Variants in PRIM2 observed in about 807,000 individuals in gnomAD.
PRIM2 encodes the protein DNA primase subunit 2.
A neutral mutation model predicts 67.3 loss-of-function variants in PRIM2; 39 were observed. The observed-to-expected ratio is 0.58, with a 90% CI of 0.45 to 0.76. The LOEUF (loss-of-function observed/expected upper bound fraction) is 0.76. Among genes scored for constraint, PRIM2 ranks in the 30% least tolerant of loss-of-function variants. PRIM2 has a pLI of 0.00. For synonymous variants in PRIM2, 143 were observed against 198.7 expected (o/e 0.72, Z 2.36); for missense variants, 398 against 598.7 (o/e 0.66, Z 3.50).
chr6:57,389,844 T>C (rs1311508440), intron 7 of PRIM2, among the ~76,000 whole-genome samples: 1 of 152,140 alleles, frequency 6.6e-6, no homozygotes, highest in Non-Finnish European at 1.5e-5. Flanking sequence ...GGTTACTTAG[T>C]TGGGAATCAT....
At chr6:57,270,581 G>A in the PRIM2 span, among the ~76,000 whole-genome samples, 2 of 152,104 alleles carry the variant, frequency 1.3e-5, no homozygotes, top group East Asian at 1.9e-4. Context: ...AAACAGGAAC[G>A]ATTTGACTTC....
intron 7 of PRIM2, among the ~76,000 whole-genome samples, chr6:57,394,310 ATTTG>A (rs1770450311): frequency 1.3e-5 from 2 of 152,196 alleles, no homozygotes; most frequent in East Asian, 3.9e-4. Flanking sequence ...ATGTGTTTCC[ATTTG>A]TTTGTGTTAT....
the PRIM2 span, among the ~76,000 whole-genome samples, chr6:57,275,415 G>A: frequency 1.3e-5 from 2 of 152,326 alleles, no homozygotes; most frequent in Non-Finnish European, 1.5e-5. Context: ...CTTGAACCCA[G>A]GAGGCAGAGG....
At chr6:57,356,661 A>G (rs1485832155) in intron 5 of PRIM2, among the ~76,000 whole-genome samples, 1 of 152,198 alleles carries the variant, frequency 6.6e-6, no homozygotes, top group Non-Finnish European at 1.5e-5. Flanking sequence ...ACTGACAGCT[A>G]TTGGAAGAAC....
intron 8 of PRIM2, among the ~76,000 whole-genome samples, chr6:57,524,125 T>G (rs1554349153): frequency 1.3e-5 from 2 of 152,204 alleles, no homozygotes; most frequent in Non-Finnish European, 2.9e-5. Context: ...AAAATTAGAT[T>G]GATTTAATTG....
chr6:57,521,375 T>TTTG (rs1774618217), intron 8 of PRIM2, among the ~76,000 whole-genome samples: 1 of 146,384 alleles, frequency 6.8e-6, no homozygotes, highest in East Asian at 1.9e-4. Context: ...GGGTTTTTTT[T>TTTG]TTTTTTTTTT....
chr6:57,395,015 A>T (rs1206560136), intron 7 of PRIM2, among the ~76,000 whole-genome samples: 3 of 152,176 alleles, frequency 2.0e-5, no homozygotes, highest in Non-Finnish European at 4.4e-5. Flanking sequence ...TGTGAAACCC[A>T]CTTGATCATG....
intron 10 of PRIM2, among the ~76,000 whole-genome samples, chr6:57,597,672 C>A (rs1776389793): frequency 6.6e-6 from 1 of 152,242 alleles, no homozygotes; most frequent in African/African-American, 2.4e-5. Flanking sequence ...GCTGGGGATT[C>A]TTTCCCAGGT....
chr6:57,396,077 A>G (rs1193041005), intron 7 of PRIM2, among the ~76,000 whole-genome samples: 2 of 152,224 alleles, frequency 1.3e-5, no homozygotes, highest in African/African-American at 2.4e-5. Context: ...GGCCTGTCAT[A>G]TAGTCTATCT....
chr6:57,240,104 T>TTTTTG, the PRIM2 span, among the ~76,000 whole-genome samples: 1 of 141,488 alleles, frequency 7.1e-6, no homozygotes. Context: ...TTTTTTTTTT[T>TTTTTG]TTTTTTTTTT....
chr6:57,397,896 ATTTT>A (rs35064816), intron 7 of PRIM2, among the ~76,000 whole-genome samples: 1 of 118,792 alleles, frequency 8.4e-6, no homozygotes, highest in African/African-American at 3.3e-5. Context: ...GATCTTTCTA[ATTTT>A]TTTTTTTTTT....
intron 7 of PRIM2, chr6:57,493,844 C>G (rs1450322526): frequency 2.6e-5 from 4 of 152,102 alleles, no homozygotes; most frequent in Non-Finnish European, 5.9e-5. Context: ...TTCCTTTTCC[C>G]TTTTCCTAGG....
intron 5 of PRIM2, among the ~76,000 whole-genome samples, chr6:57,358,475 G>A (rs936343908): frequency 1.3e-5 from 2 of 152,168 alleles, no homozygotes; most frequent in African/African-American, 4.8e-5. Flanking sequence ...GGTGTATGCT[G>A]GGTGTCAGAA....
At chr6:57,294,052 T>C in the PRIM2 span, among the ~76,000 whole-genome samples, 3 of 152,084 alleles carry the variant, frequency 2.0e-5, no homozygotes, top group Non-Finnish European at 4.4e-5. Flanking sequence ...TAATTAGAAA[T>C]TAGTTAAATA....
chr6:57,558,217 A>G (rs1775554224), intron 10 of PRIM2, among the ~76,000 whole-genome samples: 1 of 152,230 alleles, frequency 6.6e-6, no homozygotes, highest in Non-Finnish European at 1.5e-5. Flanking sequence ...TTATTAGCAC[A>G]GTGTCTGATA....
At chr6:57,408,421 G>C (rs1439348231) in intron 7 of PRIM2, among the ~76,000 whole-genome samples, 1 of 152,156 alleles carries the variant, frequency 6.6e-6, no homozygotes, top group Non-Finnish European at 1.5e-5. Context: ...GTTTGACCAG[G>C]CATGTCATTC....
Position 57,456,236 on chromosome 6 carries a change from A to G in PRIM2, c.694-51151A>G, listed in dbSNP as rs1772774579. Among the ~76,000 whole-genome samples the G allele has an allele frequency of 2.0e-5, 3 of 152,010 alleles. No individual in the cohort carries two copies. In the South Asian group the frequency reaches 6.3e-4, roughly 32 times the overall value. On this transcript the variant is annotated intron_variant, in intron 7 of 13. Transcript: ENST00000615550. ...CCTTAACATTGTTTCCTTCATTTCA[A>G]CTTTGGTGAATCTGACAATTATGTG...
chr6:57,235,455 A>C, the PRIM2 span, among the ~76,000 whole-genome samples: 1 of 131,740 alleles, frequency 7.6e-6, no homozygotes, highest in Non-Finnish European at 1.6e-5. Flanking sequence ...CAAGAGCAAA[A>C]CTCCATTTCA....
intron 11 of PRIM2, among the ~76,000 whole-genome samples, chr6:57,603,213 T>C (rs1461167291): frequency 6.6e-6 from 1 of 152,234 alleles, no homozygotes; most frequent in Non-Finnish European, 1.5e-5. Flanking sequence ...TTTTGTTTTG[T>C]TTTGTTTTCG....
Sources: allele counts gnomAD v4.1 joint callset (sites outside exome capture counted in the v4.1 genomes callset), GRCh38; gene constraint gnomAD v4.1.1; transcripts MANE v1.5; gene names NCBI Gene and HGNC (gene_info 2026-07-23, HGNC 2026-07-21).